UBE2O: variants seen among roughly 807,000 people sequenced by gnomAD.
UBE2O encodes ubiquitin conjugating enzyme E2 O.
A neutral mutation model predicts 125.8 loss-of-function variants in UBE2O; 15 were observed. The ratio of observed to expected loss-of-function variants is 0.12; its 90% CI spans 0.08 to 0.18. The LOEUF (loss-of-function observed/expected upper bound fraction) is 0.18, where lower values mean the gene tolerates loss of function less well. Ranked by LOEUF, UBE2O falls within the 10% of genes least tolerant of loss-of-function variation. The pLI is 1.00. For missense variants in UBE2O, 1,280 were observed against 1,723.6 expected (o/e 0.74, Z 4.56); for synonymous variants, 708 against 703.2 (o/e 1.01, Z -0.11).
chr17:76,422,835 A>T (rs1435551934), intron 1 of UBE2O, among the ~76,000 whole-genome samples: 2 of 152,216 alleles, frequency 1.3e-5, no homozygotes, highest in Admixed American at 1.3e-4. Context: ...TGTGAACCAC[A>T]CAAGGGCAGG....
At position 76,400,860 on chromosome 17, in the gene UBE2O, C is replaced by A; in HGVS notation, c.894+151G>T. 1.0e-6 allele frequency: 1 copy of A among 963,354 alleles called. No homozygotes were observed. Among genetic ancestry groups the A allele is most frequent in the Non-Finnish European group, 1.5e-6 (1 of 665,240 alleles). 59.7% of individuals were successfully genotyped at this position (963,354 alleles called of 1,614,324 possible). On this transcript the variant is annotated intron_variant, in intron 6 of 17. Coordinates refer to ENST00000319380, the MANE Select transcript of UBE2O (RefSeq NM_022066.4). This position sits in a 1 kb window ranked among gnomAD's most constrained non-coding sequence, Gnocchi z 4.3. ...GGTCACTATGACCAGAGCCTGGGTTCCCTTTATCCCCAAAGCCCTTTGAGA... is the reference window on the plus strand; with the variant it reads ...GGTCACTATGACCAGAGCCTGGGTTACCTTTATCCCCAAAGCCCTTTGAGA...
chr17:76,432,251 T>C (rs2072918417), intron 1 of UBE2O, among the ~76,000 whole-genome samples: 2 of 152,176 alleles, frequency 1.3e-5, no homozygotes, highest in South Asian at 4.1e-4. Context: ...CCCGTCAAAC[T>C]GCTACGGAAA....
At chr17:76,439,312 C>T (rs896431914) in intron 1 of UBE2O, among the ~76,000 whole-genome samples, 6 of 152,204 alleles carry the variant, frequency 3.9e-5, no homozygotes. Context: ...CGCCTGCCAG[C>T]ACTCTCTCAC....
chr17:76,397,654 G>T, intron 13 of UBE2O, 145 bp downstream of exon 13: 1 of 797,966 alleles, frequency 1.3e-6, no homozygotes, highest in Non-Finnish European at 2.1e-6. Flanking sequence ...CAAGGGCTGT[G>T]TGGAATGCCT....
intron 1 of UBE2O, among the ~76,000 whole-genome samples, chr17:76,447,372 A>AG (rs1348049536): frequency 6.6e-6 from 1 of 152,248 alleles, no homozygotes; most frequent in African/African-American, 2.4e-5. Context: ...ATAGCACCAC[A>AG]GGGTTGTTGT....
At chr17:76,450,982 T>C (rs1240510995) in intron 1 of UBE2O, among the ~76,000 whole-genome samples, 1 of 152,222 alleles carries the variant, frequency 6.6e-6, no homozygotes, top group Non-Finnish European at 1.5e-5. Flanking sequence ...TTACACATAG[T>C]GCAGGAGGCA....
chr17:76,391,869 C>T lies in UBE2O; in HGVS notation c.3150+41G>A, dbSNP rs1411730697. On this transcript the variant is annotated intron_variant, in intron 16 of 17. Transcript: ENST00000319380. This position sits in a 1 kb window ranked among gnomAD's most constrained non-coding sequence, Gnocchi z 8.4. ...TCCCCAGGCCCCTATCCACCAGTGG[C>T]TCTTCCTCCTTCTTGGCTGGGGGCC... 57 of 1,613,744 alleles carry T rather than the reference C, an allele frequency of 3.5e-5. No homozygotes were observed. Among genetic ancestry groups the T allele is most frequent in the Admixed American group, 5.0e-5 (3 of 59,944 alleles).
At position 76,399,451 on chromosome 17, in the gene UBE2O, G is replaced by A. The variant is rs766704396; in HGVS notation, c.1626C>T (p.Asp542=). The A allele has an allele frequency of 2.5e-6, 4 of 1,613,484 alleles. No homozygotes were observed. Among genetic ancestry groups the A allele is most frequent in the South Asian group, 1.1e-5 (1 of 91,066 alleles). Residue 542 remains aspartate (D), a splice_region_variant and synonymous_variant, in exon 9 of 18, where the codon GAC becomes GAT. Coordinates refer to ENST00000319380, the MANE Select transcript of UBE2O (RefSeq NM_022066.4). This position sits in a 1 kb window ranked among gnomAD's most constrained non-coding sequence, Gnocchi z 6.9. ...GAGGGGCACAACTCTGAGTTTACCT[G>A]TCCCCTGGCTTGAAGTCTCGAGTGA... ...NKITRDFKPG[D]RVAVEVVTTM... is the part of the protein sequence containing the mutation.
Position 76,453,012 on chromosome 17 carries a change from A to T in UBE2O, c.130T>A (p.Ser44Thr). The T allele has an allele frequency of 6.8e-6, 10 of 1,468,242 alleles. No individual in the cohort carries two copies. The highest frequency in any genetic ancestry group is 9.0e-6 in the Non-Finnish European group (10 of 1,110,244). 91.0% of individuals were successfully genotyped at this position (1,468,242 alleles called of 1,614,324 possible). ...PAPAPASDSA[S>T]GPSSDSGPEA... ...GGGCCGGAGTCCGAGGACGGCCCGG[A>T]GGCCGAGTCCGAGGCGGGCGCCGGC... Residue 44 changes from serine (S) to threonine (T), a missense_variant, in exon 1 of 18, where the codon TCC becomes ACC. Physicochemically the swap from Ser to Thr is moderately conservative, Grantham distance 58. Transcript: ENST00000319380.
In UBE2O at chr17:76,390,804, A is replaced by C. The variant is rs980499749; in HGVS notation, c.*139T>G. 1.2e-6 allele frequency: 1 copy of C among 849,872 alleles called. No individual in the cohort carries two copies. The allele number at this position is 849,872 out of a possible 1,614,324, so 52.6% of individuals were successfully genotyped here. A position where few individuals can be genotyped will look rare whatever the true frequency, so the allele number is the denominator to read the frequency against. On this transcript the variant is annotated 3_prime_UTR_variant, in exon 18 of 18. Coordinates refer to ENST00000319380, the MANE Select transcript of UBE2O (RefSeq NM_022066.4). ...AACACACTTCTTGCACTTCAGCATC[A>C]AACTCACCTTGGGGAGAAGAGGGCA... is the stretch of plus-strand genomic sequence containing the variant.
Position 76,405,134 on chromosome 17 carries a change from T to C in UBE2O, c.588+72A>G, listed in dbSNP as rs1046781912. 3 of 1,178,674 alleles carry C rather than the reference T, an allele frequency of 2.5e-6. No homozygotes were observed. Among genetic ancestry groups the C allele is most frequent in the African/African-American group, 1.5e-5 (1 of 65,410 alleles). 73.0% of individuals were successfully genotyped at this position (1,178,674 alleles called of 1,614,324 possible). On this transcript the variant is annotated intron_variant, in intron 3 of 17. Coordinates refer to ENST00000319380, the MANE Select transcript of UBE2O (RefSeq NM_022066.4). The surrounding 1 kb of genome is among the most constrained non-coding windows in gnomAD (Gnocchi z 6.1). ...CTTGGCAAGAGCACGGAGGAGGCTG[T>C]AGCCCAGAGGTCGTGCCGCCGAGAG...
Position 76,399,020 on chromosome 17 carries a change from T to C in UBE2O, c.1629-29A>G. The C allele has an allele frequency of 6.2e-7, 1 of 1,610,346 alleles. No homozygotes were observed. The highest frequency in any genetic ancestry group is 8.5e-7 in the Non-Finnish European group (1 of 1,178,354). ...CGGGTGCAGGCCAGTCAGCAGGCCA[T>C]GCAAACCCCACCCCCTCCGCGGAAA... On this transcript the variant is annotated intron_variant, in intron 9 of 17. Coordinates refer to ENST00000319380, the MANE Select transcript of UBE2O (RefSeq NM_022066.4). The surrounding 1 kb of genome is among the most constrained non-coding windows in gnomAD (Gnocchi z 6.9).
At chr17:76,408,321 C>T (rs956469742) in intron 1 of UBE2O, among the ~76,000 whole-genome samples, 3 of 152,210 alleles carry the variant, frequency 2.0e-5, no homozygotes, top group Non-Finnish European at 4.4e-5. Flanking sequence ...GTTCTCCAAG[C>T]GTTTCACTGT....
chr17:76,438,580 T>G (rs1386622477), intron 1 of UBE2O, among the ~76,000 whole-genome samples: 1 of 152,192 alleles, frequency 6.6e-6, no homozygotes, highest in East Asian at 1.9e-4. Flanking sequence ...CACCTCACCT[T>G]TCTCTCTACC....
At position 76,391,382 on chromosome 17, in the gene UBE2O, T is replaced by A; in HGVS notation, c.3440A>T (p.Glu1147Val). 6.2e-7 allele frequency: 1 copy of A among 1,613,356 alleles called. No individual in the cohort carries two copies. Among genetic ancestry groups the A allele is most frequent in the Non-Finnish European group, 8.5e-7 (1 of 1,180,024 alleles). ...GGCCTTCTCCAGCAGGGCATGGGTTTCCAGCCAGGACTCGATACGGTTCAC... is the reference window on the plus strand; with the variant it reads ...GGCCTTCTCCAGCAGGGCATGGGTTACCAGCCAGGACTCGATACGGTTCAC... ...RLVNRIESWL[E>V]THALLEKAQA... The change falls in exon 18 of 18, where the codon GAA becomes GTA. Residue 1147 changes from glutamate to valine, a missense_variant. By Grantham distance (121) the Glu-to-Val change is moderately radical. Around this residue, in one of 10 missense-constraint regions of UBE2O, gnomAD observed 233 missense variants for 279.0 expected, o/e 0.84. Transcript: ENST00000319380. This position sits in a 1 kb window ranked among gnomAD's most constrained non-coding sequence, Gnocchi z 8.4.
Position 76,398,201 on chromosome 17 carries a change from A to G in UBE2O, c.2025+54T>C. The G allele has an allele frequency of 6.2e-7, 1 of 1,608,842 alleles. No individual in the cohort carries two copies. Among genetic ancestry groups the G allele is most frequent in the Admixed American group, 1.7e-5 (1 of 59,974 alleles). Reference sequence around the variant, plus strand: ...ACCTGGTGGCAGCATCAGGGACTGCAGCTGGTGCACAGGGCAGTGAGCAGC... The same window carrying G: ...ACCTGGTGGCAGCATCAGGGACTGCGGCTGGTGCACAGGGCAGTGAGCAGC... On this transcript the variant is annotated intron_variant, in intron 12 of 17. Transcript: ENST00000319380. This position sits in a 1 kb window ranked among gnomAD's most constrained non-coding sequence, Gnocchi z 5.4.
At chr17:76,403,702 T>G (rs1385576097) in intron 3 of UBE2O, among the ~76,000 whole-genome samples, 1 of 152,194 alleles carries the variant, frequency 6.6e-6, no homozygotes. Flanking sequence ...TTAGCACACC[T>G]AGCATCCAGA....
At chr17:76,413,728 C>T (rs2072554736) in intron 1 of UBE2O, among the ~76,000 whole-genome samples, 1 of 152,168 alleles carries the variant, frequency 6.6e-6, no homozygotes, top group African/African-American at 2.4e-5. Context: ...GAGGACATCC[C>T]TCTCATGAGA....
chr17:76,407,779 G>A lies in UBE2O; in HGVS notation c.418-2207C>T, dbSNP rs117404980. Among the ~76,000 whole-genome samples the A allele has an allele frequency of 4.2e-3, 647 of 152,366 alleles. 3 individuals are homozygous for A. Among genetic ancestry groups the A allele is most frequent in the Non-Finnish European group, 6.5e-3 (444 of 68,040 alleles). On this transcript the variant is annotated intron_variant, in intron 1 of 17. Coordinates refer to ENST00000319380, the MANE Select transcript of UBE2O (RefSeq NM_022066.4). ...GGGCAGGCAGTGCCCAGTGCTCCCA[G>A]GAGAGGGAGGCTGGCAGCAAATGCC...
Sources: allele counts gnomAD v4.1 joint callset (sites outside exome capture counted in the v4.1 genomes callset), GRCh38; gene constraint gnomAD v4.1.1; regional missense constraint gnomAD v4.1.1; non-coding constraint Gnocchi (gnomAD v3.1); transcripts MANE v1.5; gene names NCBI Gene and HGNC (gene_info 2026-07-23, HGNC 2026-07-21).